Variants in SEMA3F observed in about 807,000 individuals in gnomAD.
The protein encoded by SEMA3F is semaphorin-3F.
In SEMA3F, 30 loss-of-function variants were observed where a neutral mutation model predicts 98.5. That is an observed-to-expected ratio of 0.30 (90% CI 0.23 to 0.41). The LOEUF (loss-of-function observed/expected upper bound fraction) is 0.41, where lower values mean the gene tolerates loss of function less well. Ranked by LOEUF, SEMA3F falls within the 10% of genes least tolerant of loss-of-function variation. The pLI is 1.00. For synonymous variants in SEMA3F, 380 were observed against 444.8 expected (o/e 0.85, Z 1.83); for missense variants, 866 against 1,119.3 (o/e 0.77, Z 3.23).
chr3:50,161,702 G>A (rs1297365151), intron 2 of SEMA3F, among the ~76,000 whole-genome samples: 1 of 152,242 alleles, frequency 6.6e-6, no homozygotes, highest in African/African-American at 2.4e-5. Flanking sequence ...GCCCCGTGCT[G>A]AGTGCTGGGG....
intron 2 of SEMA3F, among the ~76,000 whole-genome samples, chr3:50,165,217 CA>C (rs1698358502): frequency 6.6e-6 from 1 of 152,054 alleles, no homozygotes; most frequent in South Asian, 2.1e-4. Context: ...AGAGCTGGAG[CA>C]CAGGGAGGGT....
intron 11 of SEMA3F, 80 bp downstream of exon 11, chr3:50,183,335 T>C (rs1358707204): frequency 1.9e-6 from 3 of 1,601,868 alleles, no homozygotes; most frequent in African/African-American, 1.3e-5. Context: ...CCCAGCCCGG[T>C]GGCGAGCTGT....
At chr3:50,172,667 A>G (rs996899971) in intron 2 of SEMA3F, among the ~76,000 whole-genome samples, 2 of 152,090 alleles carry the variant, frequency 1.3e-5, no homozygotes, top group African/African-American at 4.8e-5. Context: ...TGAGAGTTCC[A>G]CCATTAGCAG....
chr3:50,167,426 C>T (rs893077449), intron 2 of SEMA3F, among the ~76,000 whole-genome samples: 2 of 152,190 alleles, frequency 1.3e-5, no homozygotes, highest in Non-Finnish European at 2.9e-5. Flanking sequence ...CCTGCTGCTC[C>T]GTCACTTCTG....
intron 2 of SEMA3F, among the ~76,000 whole-genome samples, chr3:50,167,611 C>T (rs1158242267): frequency 3.1e-5 from 4 of 129,540 alleles, no homozygotes; most frequent in African/African-American, 8.6e-5. Flanking sequence ...TGTACAGTGG[C>T]GTTTTGGCCC....
rs199785454 is a variant in SEMA3F, at chr3:50,183,403, G to A, written c.1089-17G>A. The A allele has an allele frequency of 9.3e-6, 15 of 1,613,494 alleles. No homozygotes were observed. In the East Asian group the frequency reaches 2.0e-4, roughly 22 times the overall value. Reference sequence around the variant, plus strand: ...TGGAGGGTCTGTCCTGCTCAGCAGCGCCTGCCATGCCCACAGCTCCGTGTT... The same window carrying A: ...TGGAGGGTCTGTCCTGCTCAGCAGCACCTGCCATGCCCACAGCTCCGTGTT... On this transcript the variant is annotated splice_polypyrimidine_tract_variant and intron_variant, in intron 11 of 18. Coordinates refer to ENST00000002829, the MANE Select transcript of SEMA3F (RefSeq NM_004186.5).
intron 13 of SEMA3F, 125 bp from the exon 14 acceptor site, chr3:50,185,318 C>T (rs926547899): frequency 2.3e-6 from 2 of 880,978 alleles, no homozygotes; most frequent in Admixed American, 2.6e-5. Context: ...ACTCTTCCAC[C>T]TTGGCACAAA....
At position 50,184,673 on chromosome 3, in the gene SEMA3F, C is replaced by A. The variant is rs1386923944; in HGVS notation, c.1315C>A (p.Pro439Thr). The stretch of plus-strand genomic sequence containing the variant: ...GGTGATCAACTTCATGCGCAGCCAC[C>A]CACTCATGTACCAGGCCGTGTACCC... Reference protein sequence around the residue: ...DEVINFMRSHPLMYQAVYPLQ... With the variant: ...DEVINFMRSHTLMYQAVYPLQ... The change falls in exon 13 of 19, where the codon CCA becomes ACA. Residue 439 changes from proline (P) to threonine (T), a missense_variant. By Grantham distance (38) the Pro-to-Thr change is conservative. This residue lies in a region of SEMA3F where 374 missense variants were observed against 582.8 expected (regional missense o/e 0.64). Transcript: ENST00000002829. 8 of 1,614,012 alleles carry A rather than the reference C, an allele frequency of 5.0e-6. No individual in the cohort carries two copies. Among genetic ancestry groups the A allele is most frequent in the Non-Finnish European group, 6.8e-6 (8 of 1,179,982 alleles).
intron 6 of SEMA3F, 67 bp from the exon 7 acceptor site, chr3:50,176,700 TG>T: frequency 1.7e-6 from 2 of 1,144,264 alleles, no homozygotes; most frequent in Non-Finnish European, 2.6e-6. Flanking sequence ...CCTGGGAGCC[TG>T]GTGACCCTTA....
At chr3:50,171,220 C>T (rs1045743806) in intron 2 of SEMA3F, among the ~76,000 whole-genome samples, 3 of 152,200 alleles carry the variant, frequency 2.0e-5, no homozygotes, top group African/African-American at 7.2e-5. Context: ...TGCCCCTAAG[C>T]TGGGACTCAG....
Position 50,188,170 on chromosome 3 carries a change from A to T in SEMA3F, c.*55A>T. ...GCCTAGCCCTTGTCCCTTTTAATATAAAAGATATATATATATATATATATA... is the reference window on the plus strand; with the variant it reads ...GCCTAGCCCTTGTCCCTTTTAATATTAAAGATATATATATATATATATATA... On this transcript the variant is annotated 3_prime_UTR_variant, in exon 19 of 19. Coordinates refer to ENST00000002829, the MANE Select transcript of SEMA3F (RefSeq NM_004186.5). The surrounding 1 kb of genome is among the most constrained non-coding windows in gnomAD (Gnocchi z 4.5). 1 of 537,938 alleles carries T rather than the reference A, an allele frequency of 1.9e-6. No homozygotes were observed. The highest frequency in any genetic ancestry group is 2.6e-6 in the Non-Finnish European group (1 of 378,666). The allele number at this position is 537,938 out of a possible 1,614,324, so 33.3% of individuals were successfully genotyped here. A position where few individuals can be genotyped will look rare whatever the true frequency, so the allele number is the denominator to read the frequency against.
At chr3:50,162,138 G>A (rs1473397252) in intron 2 of SEMA3F, among the ~76,000 whole-genome samples, 1 of 152,194 alleles carries the variant, frequency 6.6e-6, no homozygotes, top group Non-Finnish European at 1.5e-5. Context: ...CCTGGGTCCT[G>A]CTGTAGTGGG....
chr3:50,183,780 G>A (rs1052706729), intron 12 of SEMA3F, among the ~76,000 whole-genome samples: 14 of 152,176 alleles, frequency 9.2e-5, no homozygotes, highest in African/African-American at 1.9e-4. Flanking sequence ...GGGCGTGGTC[G>A]GCTGCTCCTC....
In SEMA3F at chr3:50,187,771, G is replaced by A. The variant is rs756084868; in HGVS notation, c.2014G>A (p.Asp672Asn). Residue 672 changes from aspartate (D) to asparagine (N), a missense_variant, in exon 19 of 19, where the codon GAT (aspartate) becomes AAT (asparagine). Coordinates refer to ENST00000002829, the MANE Select transcript of SEMA3F (RefSeq NM_004186.5). ...GLLLRALQLS[D>N]RGLYSCTATE... ...GTTGCTCCGTGCACTGCAGCTCAGC[G>A]ATCGTGGCCTCTACTCCTGCACAGC... 3.1e-6 allele frequency: 5 copies of A among 1,613,268 alleles called. No homozygotes were observed. Among genetic ancestry groups the A allele is most frequent in the African/African-American group, 1.3e-5 (1 of 75,038 alleles).
intron 15 of SEMA3F, 77 bp from the exon 16 acceptor site, chr3:50,185,812 G>A: frequency 6.2e-7 from 1 of 1,606,450 alleles, no homozygotes; most frequent in Non-Finnish European, 8.5e-7. Flanking sequence ...GAACAGGGGA[G>A]AGGAGCCCAG....
rs1697938833 is a variant in SEMA3F at position 50,155,502 on chromosome 3, A to G, written c.-111A>G. 1 of 323,914 alleles carries G rather than the reference A, an allele frequency of 3.1e-6. No homozygotes were observed. Among genetic ancestry groups the G allele is most frequent in the Non-Finnish European group, 5.6e-6 (1 of 178,360 alleles). The allele number at this position is 323,914 out of a possible 1,614,324, so 20.1% of individuals were successfully genotyped here. On this transcript the variant is annotated 5_prime_UTR_variant, in exon 1 of 19. Transcript: ENST00000002829. This position sits in a 1 kb window ranked among gnomAD's most constrained non-coding sequence, Gnocchi z 4.9. ...GGGGGCCGCTAGCGCGGACCGGCCC[A>G]ACGGGAGCCGCTCCGTGCCGCCGCC...
chr3:50,166,020 C>T lies in SEMA3F; in HGVS notation c.112+6286C>T, dbSNP rs545727191. Among the ~76,000 whole-genome samples the T allele has an allele frequency of 8.7e-4, 133 of 152,298 alleles. 1 individual carries two copies. The Middle Eastern group carries it at 0.01, about 12-fold the overall frequency. On this transcript the variant is annotated intron_variant, in intron 2 of 18. Coordinates refer to ENST00000002829, the MANE Select transcript of SEMA3F (RefSeq NM_004186.5). This position sits in a 1 kb window ranked among gnomAD's most constrained non-coding sequence, Gnocchi z 4.7. ...GGCTATCTGGTGCATCTCTGCAGGG[C>T]AAAGACAGACCCAAAGCAACCGGCC...
chr3:50,177,447 A>G (rs1271560242), intron 7 of SEMA3F, among the ~76,000 whole-genome samples: 7 of 152,162 alleles, frequency 4.6e-5, no homozygotes, highest in Non-Finnish European at 1.5e-5. Context: ...TGGCTCATGC[A>G]CGCTGCCTGT....
intron 2 of SEMA3F, among the ~76,000 whole-genome samples, chr3:50,173,588 G>A (rs542615946): frequency 1.3e-5 from 2 of 152,224 alleles, no homozygotes; most frequent in Non-Finnish European, 2.9e-5. Context: ...GTTGCAGTGA[G>A]CCGCAATCTC....
Sources: gnomAD v4.1 joint callset for allele counts (sites outside exome capture counted in the v4.1 genomes callset) on GRCh38, gnomAD v4.1.1 for gene constraint, gnomAD v4.1.1 regional missense constraint, Gnocchi (gnomAD v3.1) non-coding constraint, MANE v1.5 for transcripts, NCBI Gene and HGNC (gene_info 2026-07-23, HGNC 2026-07-21) for gene names.